ABR: variants seen among roughly 807,000 people sequenced by gnomAD.
ABR encodes ABR activator of RhoGEF and GTPase.
In ABR, 35 loss-of-function variants were observed where a neutral mutation model predicts 107.2. The ratio of observed to expected loss-of-function variants is 0.33; its 90% CI spans 0.25 to 0.43. The LOEUF (loss-of-function observed/expected upper bound fraction) is 0.43, where lower values mean the gene tolerates loss of function less well. Among genes scored for constraint, ABR ranks in the 20% least tolerant of loss-of-function variants. The pLI is 1.00. For missense variants in ABR, 815 were observed against 1,115.2 expected (o/e 0.73, Z 3.83); for synonymous variants, 498 against 462.0 (o/e 1.08, Z -1.00).
chr17:1,059,185 C>T (rs916815348), intron 10 of ABR, among the ~76,000 whole-genome samples: 2 of 152,148 alleles, frequency 1.3e-5, no homozygotes, highest in Admixed American at 6.6e-5. Flanking sequence ...CTCTGCCCCA[C>T]GTCACCCAGG....
At chr17:1,008,536 C>T (rs1043012837) in intron 21 of ABR, among the ~76,000 whole-genome samples, 1 of 152,260 alleles carries the variant, frequency 6.6e-6, no homozygotes, top group Non-Finnish European at 1.5e-5. Context: ...TCCCTTCCCA[C>T]TCCTCCCCAC....
intron 1 of ABR, among the ~76,000 whole-genome samples, chr17:1,147,331 G>A (rs2040595712): frequency 6.6e-6 from 1 of 151,396 alleles, no homozygotes; most frequent in Non-Finnish European, 1.5e-5. Flanking sequence ...AAGTGATGAG[G>A]ATTTCAGCAG....
chr17:1,186,929 C>T (rs147823269), exon 1 of ABR: 47 of 152,396 alleles, frequency 3.1e-4, no homozygotes, highest in African/African-American at 1.1e-3. Context: ...AAGAGCACGT[C>T]CAGCTGGGGT....
chr17:1,021,453 C>T (rs569179046), intron 16 of ABR, among the ~76,000 whole-genome samples: 17 of 152,356 alleles, frequency 1.1e-4, no homozygotes, highest in East Asian at 5.8e-4. Context: ...CTCTGAGCCC[C>T]GGCATCCCAG....
chr17:1,011,215 A>G lies in ABR; in HGVS notation c.2102-352T>C. 3.6e-6 allele frequency: 1 copy of G among 278,030 alleles called. No homozygotes were observed. Among genetic ancestry groups the G allele is most frequent in the Non-Finnish European group, 7.0e-6 (1 of 142,662 alleles). The allele number at this position is 278,030 out of a possible 1,614,324, so 17.2% of individuals were successfully genotyped here. ...AGCCCCTCTCTGGAAGGCATTGCAC[A>G]CTTTTCACACGTAAAAGCATGTTCC... is the stretch of plus-strand genomic sequence containing the variant. On this transcript the variant is annotated intron_variant, in intron 19 of 22. Transcript: ENST00000302538. This position sits in a 1 kb window ranked among gnomAD's most constrained non-coding sequence, Gnocchi z 4.8.
In ABR at chr17:1,126,761, A is replaced by T. The variant is rs139577066; in HGVS notation, c.62-1394T>A. 2.2e-3 allele frequency among the ~76,000 whole-genome samples: 339 copies of T among 152,148 alleles called. 1 individual carries two copies. In the Middle Eastern group the frequency reaches 0.044, roughly 20 times the overall value. ...ACCTGGCCCCCTGGCACCTTAGTGA[A>T]TCCTGCCCCTTTGTCCTTGAGCCCC... is the stretch of plus-strand genomic sequence containing the variant. On this transcript the variant is annotated intron_variant, in intron 1 of 22. Coordinates refer to ENST00000302538, the MANE Select transcript of ABR (RefSeq NM_021962.5).
At chr17:1,057,878 GA>G in intron 12 of ABR, 91 bp downstream of exon 12, 1 of 1,194,728 alleles carries the variant, frequency 8.4e-7, no homozygotes, top group Non-Finnish European at 1.2e-6. Flanking sequence ...GAGGGCCAAA[GA>G]CGTGATACTG....
Position 1,013,131 on chromosome 17 carries a change from G to T in ABR, c.1825C>A (p.His609Asn), listed in dbSNP as rs368841815. Reference protein sequence around the residue: ...DPQTVETKNWHTDVIEMNGIK... With the variant: ...DPQTVETKNWNTDVIEMNGIK... ...CCGTTCATCTCAATCACGTCCGTGT[G>T]CCAGTTCTTGGTCTCCACGGTTTGT... Residue 609 changes from histidine to asparagine, a missense_variant, in exon 17 of 23, where the codon CAC becomes AAC. By Grantham distance (68) the His-to-Asn change is moderately conservative. Around this residue, in one of 5 missense-constraint regions of ABR, gnomAD observed 92 missense variants for 82.3 expected, o/e 1.12. Coordinates refer to ENST00000302538, the MANE Select transcript of ABR (RefSeq NM_021962.5). The T allele has an allele frequency of 6.2e-7, 1 of 1,614,062 alleles. No individual in the cohort carries two copies. The highest frequency in any genetic ancestry group is 1.3e-5 in the African/African-American group (1 of 74,936).
intron 1 of ABR, among the ~76,000 whole-genome samples, chr17:1,194,227 G>A (rs1017143368): frequency 9.3e-5 from 14 of 150,392 alleles, no homozygotes; most frequent in East Asian, 4.1e-4. Flanking sequence ...TCTCTCTGTC[G>A]CCCAGGCTGG....
chr17:1,102,345 C>G (rs975763936), intron 2 of ABR, among the ~76,000 whole-genome samples: 1 of 152,102 alleles, frequency 6.6e-6, no homozygotes, highest in Admixed American at 6.6e-5. Flanking sequence ...TTGGAAGATG[C>G]TACACTGGTA....
At chr17:1,059,872 G>A (rs1309982130) in intron 10 of ABR, among the ~76,000 whole-genome samples, 2 of 152,196 alleles carry the variant, frequency 1.3e-5, no homozygotes, top group South Asian at 2.1e-4. Context: ...GTGGGGGACA[G>A]TCACCCTCAC....
At chr17:1,031,461 A>T in intron 16 of ABR, 1 of 588,628 alleles carries the variant, frequency 1.7e-6, no homozygotes, top group Non-Finnish European at 2.5e-6. Flanking sequence ...GGACGCGCAC[A>T]GACCCCAGCT....
rs147690175 is a variant in ABR, at chr17:1,085,944, C to A, written c.532-2317G>T. ...GGCAGATCACCTAAGGTTGGCAGTT[C>A]GAGACCAGCCTGGCCAAAATGGTGA... On this transcript the variant is annotated intron_variant, in intron 4 of 22. Coordinates refer to ENST00000302538, the MANE Select transcript of ABR (RefSeq NM_021962.5). 3.7e-3 allele frequency among the ~76,000 whole-genome samples: 563 copies of A among 152,156 alleles called. 5 individuals carry two copies. The highest frequency in any genetic ancestry group is 0.013 in the African/African-American group (521 of 41,518).
At chr17:1,223,324 C>T (rs903848540) in intron 1 of ABR, among the ~76,000 whole-genome samples, 1 of 152,068 alleles carries the variant, frequency 6.6e-6, no homozygotes, top group Non-Finnish European at 1.5e-5. Context: ...CACACACACA[C>T]ACAGAGACAC....
chr17:1,123,891 G>C (rs765932233), intron 2 of ABR, among the ~76,000 whole-genome samples: 1 of 152,172 alleles, frequency 6.6e-6, no homozygotes, highest in Admixed American at 6.5e-5. Context: ...CCGCAGGTCC[G>C]AGACGCTTGT....
chr17:1,100,926 T>C (rs1171472389), intron 2 of ABR, 191 bp from the exon 3 acceptor site: 1 of 597,978 alleles, frequency 1.7e-6, no homozygotes, highest in Non-Finnish European at 3.0e-6. Context: ...CGGGTTCCAG[T>C]GATTCCCCTG....
rs994461908 is a variant in ABR, at chr17:1,116,933, A to G, written c.246+8250T>C. ...ACTCGAGGAGTCCCTGAACCACACA[A>G]CCCAGGTCCGGAGCAGTCAGGAGGG... On this transcript the variant is annotated intron_variant, in intron 2 of 22. Coordinates refer to ENST00000302538, the MANE Select transcript of ABR (RefSeq NM_021962.5). 7.2e-5 allele frequency among the ~76,000 whole-genome samples: 11 copies of G among 152,246 alleles called. No individual in the cohort carries two copies. In the East Asian group the frequency reaches 2.1e-3, roughly 29 times the overall value.
At chr17:1,021,910 G>A (rs1307784940) in intron 16 of ABR, among the ~76,000 whole-genome samples, 5 of 151,822 alleles carry the variant, frequency 3.3e-5, no homozygotes, top group African/African-American at 1.2e-4. Context: ...TGTAATCCCA[G>A]CACTCTGGGA....
At chr17:1,014,567 G>A (rs938833741) in intron 16 of ABR, among the ~76,000 whole-genome samples, 26 of 151,908 alleles carry the variant, frequency 1.7e-4, no homozygotes, top group Non-Finnish European at 3.2e-4. Flanking sequence ...GGCCAGGCAC[G>A]GTGGCTCATG....
Sources: gnomAD v4.1 joint callset for allele counts (sites outside exome capture counted in the v4.1 genomes callset) on GRCh38, gnomAD v4.1.1 for gene constraint, gnomAD v4.1.1 regional missense constraint, Gnocchi (gnomAD v3.1) non-coding constraint, MANE v1.5 for transcripts, NCBI Gene and HGNC (gene_info 2026-07-23, HGNC 2026-07-21) for gene names.